COQ9: variants seen among roughly 807,000 people sequenced by gnomAD.
The protein encoded by COQ9 is ubiquinone biosynthesis protein COQ9, mitochondrial.
COQ9 carries 35 observed loss-of-function variants against 42.4 expected under a neutral mutation model. The ratio of observed to expected loss-of-function variants is 0.83; its 90% CI spans 0.63 to 1.10. COQ9 has a LOEUF of 1.10. Ranked by LOEUF, COQ9 falls within the 50% of genes least tolerant of loss-of-function variation. The pLI, the probability that COQ9 is intolerant of heterozygous loss-of-function variation, is 0.00. For synonymous variants in COQ9, 155 were observed against 155.1 expected (o/e 1.00, Z 0.00); for missense variants, 406 against 414.6 (o/e 0.98, Z 0.18).
chr16:57,455,848 C>T (rs1442670257), intron 3 of COQ9, among the ~76,000 whole-genome samples: 1 of 151,934 alleles, frequency 6.6e-6, no homozygotes, highest in Admixed American at 6.6e-5. Flanking sequence ...GAGGCTGAGG[C>T]GGGAGGATTG....
rs2030421119 is a variant in COQ9, at chr16:57,457,035, G to GC, written c.606+24dup. The GC allele has an allele frequency of 6.4e-7, 1 of 1,553,940 alleles. No homozygotes were observed. Among genetic ancestry groups the GC allele is most frequent in the Non-Finnish European group, 8.9e-7 (1 of 1,125,208 alleles). On this transcript the variant is annotated intron_variant, in intron 5 of 8. Coordinates refer to ENST00000262507, the MANE Select transcript of COQ9 (RefSeq NM_020312.4). ...CCCCGGGTACCAAGTCTATATCCAG[G>GC]CCCCAGAGCAACAATAATCCTAATA...
intron 1 of COQ9, among the ~76,000 whole-genome samples, chr16:57,448,041 A>G (rs145292682): frequency 1.8e-4 from 28 of 152,288 alleles, no homozygotes; most frequent in Middle Eastern, 6.8e-3. Flanking sequence ...CTATGTACTC[A>G]GTATTTTTAT....
At chr16:57,453,076 C>A in intron 3 of COQ9, 140 bp downstream of exon 3, 1 of 1,105,038 alleles carries the variant, frequency 9.0e-7, no homozygotes, top group Non-Finnish European at 1.4e-6. Context: ...TTTTTTTCCC[C>A]CAATAGGGTG....
intron 3 of COQ9, chr16:57,453,425 A>G (rs2030334735): frequency 4.0e-6 from 1 of 252,212 alleles, no homozygotes; most frequent in Non-Finnish European, 7.9e-6. Context: ...TTTCCCAGAA[A>G]CTCTAATAGC....
At chr16:57,459,915 C>A in intron 7 of COQ9, 136 bp from the exon 8 acceptor site, 1 of 1,017,560 alleles carries the variant, frequency 9.8e-7, no homozygotes, top group Non-Finnish European at 1.5e-6. Context: ...ATTGTGTTGT[C>A]CAAAGCTCTC....
chr16:57,452,669 C>A (rs1049701977), intron 2 of COQ9, 132 bp from the exon 3 acceptor site: 1 of 1,132,954 alleles, frequency 8.8e-7, no homozygotes, highest in Non-Finnish European at 1.3e-6. Flanking sequence ...AAGAAAACCA[C>A]ATTGATAGTG....
chr16:57,455,652 TC>T, intron 3 of COQ9, among the ~76,000 whole-genome samples: 1 of 151,926 alleles, frequency 6.6e-6, no homozygotes, highest in Non-Finnish European at 1.5e-5. Flanking sequence ...GGATCAGAAA[TC>T]AACTGGAGTG....
At chr16:57,453,818 T>C (rs2030342950) in intron 3 of COQ9, 1 of 152,194 alleles carries the variant, frequency 6.6e-6, no homozygotes, top group African/African-American at 2.4e-5. Flanking sequence ...ACTATCAACA[T>C]TTATGCCTAG....
chr16:57,449,540 T>C (rs1409929626), intron 1 of COQ9, among the ~76,000 whole-genome samples: 3 of 152,104 alleles, frequency 2.0e-5, no homozygotes, highest in African/African-American at 7.2e-5. Context: ...CCCAGCACTT[T>C]GGGAAGCTGA....
Position 57,461,041 on chromosome 16 carries a change from C to T in COQ9, c.*417C>T, listed in dbSNP as rs2030524836. On this transcript the variant is annotated 3_prime_UTR_variant, in exon 9 of 9. Coordinates refer to ENST00000262507, the MANE Select transcript of COQ9 (RefSeq NM_020312.4). Reference sequence around the variant, plus strand: ...CCACCTCAAGGTGACAGCTCATCTCCAGCACAGCACAGGCGTGTGCACACA... The same window carrying T: ...CCACCTCAAGGTGACAGCTCATCTCTAGCACAGCACAGGCGTGTGCACACA... 1 of 385,838 alleles carries T rather than the reference C, an allele frequency of 2.6e-6. No individual in the cohort carries two copies. Among genetic ancestry groups the T allele is most frequent in the Non-Finnish European group, 5.1e-6 (1 of 194,656 alleles). 23.9% of individuals were successfully genotyped at this position (385,838 alleles called of 1,614,324 possible).
chr16:57,447,843 A>G, intron 1 of COQ9: 2 of 359,742 alleles, frequency 5.6e-6, no homozygotes. Context: ...TCGGGGTACG[A>G]AAGTCACGCA....
chr16:57,460,506 A>G (rs1276245189), intron 8 of COQ9, 83 bp from the exon 9 acceptor site: 11 of 1,380,482 alleles, frequency 8.0e-6, no homozygotes, highest in Admixed American at 1.9e-5. Flanking sequence ...AAAAAAGAGA[A>G]AAAGAAAAGC....
intron 6 of COQ9, 146 bp from the exon 7 acceptor site, chr16:57,459,419 T>G: frequency 2.3e-5 from 18 of 778,934 alleles, no homozygotes; most frequent in Non-Finnish European, 3.5e-5. Flanking sequence ...CAGTCAAGTT[T>G]GAGATGGTAG....
intron 3 of COQ9, chr16:57,453,613 A>C (rs1277643107): frequency 1.9e-5 from 3 of 153,908 alleles, no homozygotes; most frequent in Non-Finnish European, 2.9e-5. Flanking sequence ...GACAATGGGC[A>C]AGGTTGCTGC....
chr16:57,459,912 T>C, intron 7 of COQ9, 139 bp from the exon 8 acceptor site: 2 of 1,006,428 alleles, frequency 2.0e-6, no homozygotes, highest in Non-Finnish European at 3.1e-6. Flanking sequence ...GTGATTGTGT[T>C]GTCCAAAGCT....
chr16:57,449,742 A>G (rs1411080100), intron 1 of COQ9, among the ~76,000 whole-genome samples: 2 of 152,214 alleles, frequency 1.3e-5, no homozygotes, highest in African/African-American at 4.8e-5. Flanking sequence ...AAGACAAGCA[A>G]AAACTAACCT....
chr16:57,447,649 C>T, intron 1 of COQ9, 71 bp downstream of exon 1: 1 of 1,189,810 alleles, frequency 8.4e-7, no homozygotes, highest in Non-Finnish European at 1.1e-6. Context: ...CAGCTGGGTT[C>T]GACGGTGGGG....
intron 1 of COQ9, among the ~76,000 whole-genome samples, chr16:57,448,331 GTTTCTTTTT>G (rs1314833549): frequency 6.7e-6 from 1 of 148,468 alleles, no homozygotes; most frequent in African/African-American, 2.5e-5. Flanking sequence ...ATACTATTCT[GTTTCTTTTT>G]TTTCTTTTTT....
At chr16:57,455,416 TAA>T (rs1245188013) in intron 3 of COQ9, among the ~76,000 whole-genome samples, 15 of 147,820 alleles carry the variant, frequency 1.0e-4, no homozygotes, top group African/African-American at 3.7e-4. Context: ...TATATATATA[TAA>T]AATAATTATG....
Sources: gnomAD v4.1 joint callset for allele counts (sites outside exome capture counted in the v4.1 genomes callset) on GRCh38, gnomAD v4.1.1 for gene constraint, MANE v1.5 for transcripts, NCBI Gene and HGNC (gene_info 2026-07-23, HGNC 2026-07-21) for gene names.